The following NDRG2 variants were observed in gnomAD, a reference collection of about 807,000 sequenced individuals.
NDRG2 encodes NDRG family member 2.
A neutral mutation model predicts 58.2 loss-of-function variants in NDRG2; 34 were observed. The ratio of observed to expected loss-of-function variants is 0.58; its 90% confidence interval spans 0.44 to 0.78. NDRG2 has a LOEUF of 0.78. Ranked by LOEUF, NDRG2 falls within the 30% of genes least tolerant of loss-of-function variation. The pLI is 0.00. For synonymous variants in NDRG2, 187 were observed against 175.9 expected (o/e 1.06, Z -0.50); for missense variants, 434 against 471.2 (o/e 0.92, Z 0.73).
intron 1 of NDRG2, among the ~76,000 whole-genome samples, chr14:21,056,536 G>A (rs903034358): frequency 7.2e-5 from 11 of 152,100 alleles, no homozygotes; most frequent in Admixed American, 4.6e-4. Flanking sequence ...AAACAAACAC[G>A]GGAAAGTGTA....
At position 21,017,138 on chromosome 14, in the gene NDRG2, C is replaced by T. The variant is rs770143671; in HGVS notation, c.*458G>A. ...CCCCCTGACACACATTCACGTAGGT[C>T]CATACCCTTCAGAGTCCTAAAGGGT... On this transcript the variant is annotated 3_prime_UTR_variant, in exon 16 of 16. Transcript: ENST00000556147. 4.7e-5 allele frequency: 19 copies of T among 402,588 alleles called. No individual in the cohort carries two copies. The highest frequency in any genetic ancestry group is 8.1e-5 in the Non-Finnish European group (16 of 196,374). The allele number at this position is 402,588 out of a possible 1,614,324, so 24.9% of individuals were successfully genotyped here.
intron 4 of NDRG2, 63 bp downstream of exon 4, chr14:21,022,329 A>C: frequency 6.3e-7 from 1 of 1,581,418 alleles, no homozygotes; most frequent in Non-Finnish European, 8.7e-7. Context: ...TCTGGGTTTC[A>C]TTTCTACCCT....
chr14:21,018,828 G>A lies in NDRG2; in HGVS notation c.762-14C>T, dbSNP rs747498578. 1 of 1,614,152 alleles carries A rather than the reference G, an allele frequency of 6.2e-7. No homozygotes were observed. On this transcript the variant is annotated splice_polypyrimidine_tract_variant and intron_variant, in intron 11 of 15. Transcript: ENST00000556147. ...ATCACAGGACACCTAAAGACACAGT[G>A]TTGGGGAGAAGGCAGTGAGCCCCTG...
intron 4 of NDRG2, 68 bp downstream of exon 4, chr14:21,022,324 G>A: frequency 6.3e-7 from 1 of 1,577,170 alleles, no homozygotes; most frequent in Non-Finnish European, 8.7e-7. Flanking sequence ...CTCCCTCTGG[G>A]TTTCATTTCT....
At position 21,070,318 on chromosome 14, in the gene NDRG2, A is replaced by T. The variant is rs1052845231; in HGVS notation, c.24+510T>A. 1.4e-6 allele frequency: 2 copies of T among 1,382,740 alleles called. No homozygotes were observed. The highest frequency in any genetic ancestry group is 1.9e-6 in the Non-Finnish European group (2 of 1,069,666). 85.7% of individuals were successfully genotyped at this position (1,382,740 alleles called of 1,614,324 possible). A position where few individuals can be genotyped will look rare whatever the true frequency, so the allele number is the denominator to read the frequency against. ...GTCCCTTAGCCAGACCCGGCGAGAC[A>T]CGAGCGGCGGGAGGGAGGCGGTGGC... On this transcript the variant is annotated intron_variant, in intron 1 of 14. Coordinates refer to the NDRG2 transcript ENST00000403829. The surrounding 1 kb of genome is among the most constrained non-coding windows in gnomAD (Gnocchi z 4.7).
At chr14:21,018,387 T>C (rs1364425463) in intron 13 of NDRG2, 70 bp downstream of exon 13, 1 of 1,609,244 alleles carries the variant, frequency 6.2e-7, no homozygotes, top group African/African-American at 1.3e-5. Flanking sequence ...TGCCGGGCCC[T>C]GGAGGCTTAG....
At chr14:21,020,986 GA>G in intron 6 of NDRG2, 142 bp from the exon 7 acceptor site, 1 of 925,482 alleles carries the variant, frequency 1.1e-6, no homozygotes, top group Non-Finnish European at 1.7e-6. Flanking sequence ...TGGAGGACGC[GA>G]AAAAGAAGGG....
At chr14:21,017,829 G>T in intron 15 of NDRG2, 67 bp from the exon 16 acceptor site, 2 of 1,605,872 alleles carry the variant, frequency 1.2e-6, no homozygotes, top group Non-Finnish European at 1.7e-6. Context: ...GCGACTCAGG[G>T]TGTGGTCCTT....
At chr14:21,043,342 C>G in intron 1 of NDRG2, 1 of 1,614,148 alleles carries the variant, frequency 6.2e-7, no homozygotes, top group African/African-American at 1.3e-5. Context: ...GGGAAGCATC[C>G]GAACTGCAGG....
At chr14:21,025,780 T>G, upstream of NDRG2, 1 of 717,272 alleles carries the variant, frequency 1.4e-6, no homozygotes, top group Non-Finnish European at 1.6e-6. This position sits in a 1 kb window ranked among gnomAD's most constrained non-coding sequence, Gnocchi z 5.1. Context: ...GGGGCCGCTA[T>G]AAATAGAGGG....
rs1037785253 is a variant in NDRG2 at position 21,046,522 on chromosome 14, T to C, written c.25-23201A>G. Among the ~76,000 whole-genome samples, 7 of 132,102 alleles carry C rather than the reference T, an allele frequency of 5.3e-5. No individual in the cohort carries two copies. In the East Asian group the frequency reaches 1.6e-3, roughly 30 times the overall value. The allele number at this position is 132,102 out of a possible 152,430, so 86.7% of individuals were successfully genotyped here. A position where few individuals can be genotyped will look rare whatever the true frequency, so the allele number is the denominator to read the frequency against. On this transcript the variant is annotated intron_variant, in intron 1 of 14. Coordinates refer to the NDRG2 transcript ENST00000403829. ...CTGCACTCCAGCCTGAGTAACAGAA[T>C]GAGAGCCTGTCTCAAAACAAATACA...
intron 6 of NDRG2, 33 bp from the exon 7 acceptor site, chr14:21,020,877 G>A (rs1203110557): frequency 6.2e-7 from 1 of 1,610,008 alleles, no homozygotes; most frequent in Non-Finnish European, 8.5e-7. Context: ...CGCCTCATGG[G>A]ATCTGCTGTC....
Position 21,021,846 on chromosome 14 carries a change from G to A in NDRG2, c.378C>T (p.Asp126=), listed in dbSNP as rs1436803645. 9.9e-6 allele frequency: 16 copies of A among 1,613,374 alleles called. No individual in the cohort carries two copies. Among genetic ancestry groups the A allele is most frequent in the Non-Finnish European group, 1.3e-5 (15 of 1,179,710 alleles). The part of the protein sequence containing the change: ...YQYPSLDQLA[D]MIPCVLQYLN... ...GGTACTGCAGGACGCAAGGGATCAT[G>A]TCTGCAAGCTGGTCCAGAGATGGGT... Residue 126 remains aspartate, a synonymous_variant, in exon 6 of 16, where the codon GAC becomes GAT. Transcript: ENST00000556147.
rs188571201 is a variant in NDRG2 at position 21,031,269 on chromosome 14, G to A, written c.25-7948C>T. 137 of 1,429,266 alleles carry A rather than the reference G, an allele frequency of 9.6e-5. 2 individuals are homozygous for A. In the Middle Eastern group the frequency reaches 4.7e-3, roughly 50 times the overall value. 88.5% of individuals were successfully genotyped at this position (1,429,266 alleles called of 1,614,324 possible). On this transcript the variant is annotated intron_variant, in intron 1 of 14. Transcript: ENST00000403829. ...ACTGTGTGACTGTAGAGACAGGGCC[G>A]AAACAGACTTTAGAGATCATCTAGA... is the stretch of plus-strand genomic sequence containing the variant.
upstream of NDRG2, among the ~76,000 whole-genome samples, chr14:21,027,323 A>G (rs2139061982): frequency 6.6e-6 from 1 of 152,370 alleles, no homozygotes; most frequent in Middle Eastern, 3.4e-3. Flanking sequence ...ACCTTCAAGT[A>G]AGCAACAGTT....
intron 1 of NDRG2, among the ~76,000 whole-genome samples, chr14:21,068,070 G>A (rs1314926189): frequency 8.1e-5 from 1 of 12,330 alleles, no homozygotes; most frequent in Non-Finnish European, 3.5e-4. Context: ...CGCGATCTCG[G>A]CTCACTGCAA....
intron 1 of NDRG2, chr14:21,032,971 A>G (rs1249437327): frequency 4.4e-6 from 2 of 456,068 alleles, no homozygotes; most frequent in East Asian, 6.9e-5. Context: ...ATGTTCGATT[A>G]GAGCCGGGCC....
At chr14:21,022,984 A>T (rs747216389) in intron 2 of NDRG2, 79 bp from the exon 3 acceptor site, 22 of 1,516,062 alleles carry the variant, frequency 1.5e-5, no homozygotes, top group Non-Finnish European at 1.8e-5. Context: ...AGACAAAGAG[A>T]GGCAAGTAAA....
In NDRG2 at chr14:21,024,275, G is replaced by T. The variant is rs531115440; in HGVS notation, c.-252C>A. On this transcript the variant is annotated 5_prime_UTR_variant, in exon 1 of 16. Transcript: ENST00000556147. ...AACACGTCCTCTCTAGGCTCGAGCC[G>T]GAATCAATATAGGCTACAAGGGCAT... 8.1e-6 allele frequency: 8 copies of T among 985,400 alleles called. No individual in the cohort carries two copies. In the East Asian group the frequency reaches 6.8e-4, roughly 84 times the overall value. 61.0% of individuals were successfully genotyped at this position (985,400 alleles called of 1,614,324 possible). A position where few individuals can be genotyped will look rare whatever the true frequency, so the allele number is the denominator to read the frequency against.
Sources: gnomAD v4.1 joint callset for allele counts (sites outside exome capture counted in the v4.1 genomes callset) on GRCh38, gnomAD v4.1.1 for gene constraint, Gnocchi (gnomAD v3.1) non-coding constraint, MANE v1.5 for transcripts, NCBI Gene and HGNC (gene_info 2026-07-23, HGNC 2026-07-21) for gene names.